The following SYBU variants were observed in gnomAD, a reference collection of about 807,000 sequenced individuals.
SYBU encodes the protein GOLSYN A protein.
SYBU carries 21 observed loss-of-function variants against 35.9 expected under a neutral mutation model. The ratio of observed to expected loss-of-function variants is 0.58; its 90% confidence interval spans 0.41 to 0.84. The LOEUF (loss-of-function observed/expected upper bound fraction) is 0.84, where lower values mean the gene tolerates loss of function less well. SYBU is among the 40% of genes least tolerant of loss of function. The pLI is 0.00. For synonymous variants in SYBU, 319 were observed against 324.3 expected (o/e 0.98, Z 0.18); for missense variants, 768 against 848.2 (o/e 0.91, Z 1.17).
intron 4 of SYBU, chr8:109,580,211 CTGT>C: frequency 1.8e-6 from 1 of 556,638 alleles, no homozygotes; most frequent in Non-Finnish European, 3.2e-6. Context: ...ACCTCTCCCT[CTGT>C]TGTTCTTTCA....
chr8:109,650,169 G>A (rs2130714241), intron 1 of SYBU, among the ~76,000 whole-genome samples: 1 of 152,140 alleles, frequency 6.6e-6, no homozygotes, highest in East Asian at 1.9e-4. Flanking sequence ...GGCTCTGAGG[G>A]GTTCACTCAG....
At chr8:109,662,213 G>A (rs1411861557) in intron 1 of SYBU, among the ~76,000 whole-genome samples, 5 of 152,092 alleles carry the variant, frequency 3.3e-5, no homozygotes, top group Non-Finnish European at 5.9e-5. Flanking sequence ...TTTCCTCCAT[G>A]AATTTTAGTT....
rs563555152 is a variant in SYBU at position 109,584,558 on chromosome 8, T to C, written c.530+1502A>G. Among the ~76,000 whole-genome samples, 1 of 152,354 alleles carries C rather than the reference T, an allele frequency of 6.6e-6. No homozygotes were observed. The highest frequency in any genetic ancestry group is 2.4e-5 in the African/African-American group (1 of 41,582). On this transcript the variant is annotated intron_variant, in intron 4 of 6. Coordinates refer to ENST00000276646, the MANE Select transcript of SYBU (RefSeq NM_001099754.2). This position sits in a 1 kb window ranked among gnomAD's most constrained non-coding sequence, Gnocchi z 4.0. ...GATTTACACAGAATGTTTACATTCATGTCCTATAATCCCAGAGGCACTTTA... is the reference window on the plus strand; with the variant it reads ...GATTTACACAGAATGTTTACATTCACGTCCTATAATCCCAGAGGCACTTTA...
chr8:109,661,946 T>C (rs1816578851), intron 1 of SYBU, among the ~76,000 whole-genome samples: 1 of 152,254 alleles, frequency 6.6e-6, no homozygotes, highest in South Asian at 2.1e-4. Context: ...CTGTGGAATT[T>C]AGATCTCCAG....
intron 3 of SYBU, among the ~76,000 whole-genome samples, chr8:109,589,548 A>C (rs1480901827): frequency 6.6e-6 from 1 of 152,126 alleles, no homozygotes; most frequent in Non-Finnish European, 1.5e-5. Context: ...CACTTTTCCA[A>C]CTCTCAAGAA....
At chr8:109,613,555 A>G (rs1049801475) in intron 3 of SYBU, among the ~76,000 whole-genome samples, 3 of 151,762 alleles carry the variant, frequency 2.0e-5, no homozygotes, top group African/African-American at 7.3e-5. Context: ...AATAACACAA[A>G]AGTACTTTTT....
chr8:109,644,734 G>A lies in SYBU; in HGVS notation c.-75C>T. The A allele has an allele frequency of 7.2e-7, 1 of 1,389,934 alleles. No individual in the cohort carries two copies. Among genetic ancestry groups the A allele is most frequent in the South Asian group, 1.5e-5 (1 of 65,132 alleles). 86.1% of individuals were successfully genotyped at this position (1,389,934 alleles called of 1,614,324 possible). A position where few individuals can be genotyped will look rare whatever the true frequency, so the allele number is the denominator to read the frequency against. On this transcript the variant is annotated 5_prime_UTR_variant, in exon 1 of 7. Coordinates refer to ENST00000276646, the MANE Select transcript of SYBU (RefSeq NM_001099754.2). Reference sequence around the variant, plus strand: ...GGAGGCACCTGCGAGCACGGAGCGAGGAGACTGCGCTGAGCCGGCGCGGGC... The same window carrying A: ...GGAGGCACCTGCGAGCACGGAGCGAAGAGACTGCGCTGAGCCGGCGCGGGC...
intron 1 of SYBU, among the ~76,000 whole-genome samples, chr8:109,670,771 C>A (rs1455234570): frequency 6.6e-6 from 1 of 152,148 alleles, no homozygotes; most frequent in Non-Finnish European, 1.5e-5. Context: ...TCCTTCCTTT[C>A]TTTTCTTCCC....
chr8:109,668,368 C>T (rs1816844036), intron 1 of SYBU, among the ~76,000 whole-genome samples: 1 of 152,146 alleles, frequency 6.6e-6, no homozygotes. Flanking sequence ...ACACCAACAA[C>T]TTCATCTGGT....
chr8:109,641,938 G>C (rs951695999), intron 2 of SYBU, among the ~76,000 whole-genome samples: 9 of 152,156 alleles, frequency 5.9e-5, no homozygotes, highest in Admixed American at 5.9e-4. Flanking sequence ...ATTTGACCTA[G>C]CAATCCCATT....
At chr8:109,629,908 T>G (rs1813411418) in intron 2 of SYBU, among the ~76,000 whole-genome samples, 2 of 152,154 alleles carry the variant, frequency 1.3e-5, no homozygotes, top group South Asian at 4.1e-4. Flanking sequence ...ATGATGAGCA[T>G]TTTTTCATGT....
chr8:109,586,454 C>T, intron 3 of SYBU: 1 of 371,920 alleles, frequency 2.7e-6, no homozygotes, highest in South Asian at 4.2e-5. Flanking sequence ...AAGAAATGCA[C>T]TGTTCTCCCG....
At chr8:109,600,439 C>T (rs1444456830) in intron 3 of SYBU, among the ~76,000 whole-genome samples, 1 of 152,166 alleles carries the variant, frequency 6.6e-6, no homozygotes, top group Non-Finnish European at 1.5e-5. Flanking sequence ...CTGCAAAGAC[C>T]TCTGTCTTGT....
chr8:109,596,528 T>C (rs1260846109), intron 3 of SYBU, among the ~76,000 whole-genome samples: 1 of 152,254 alleles, frequency 6.6e-6, no homozygotes, highest in Non-Finnish European at 1.5e-5. Flanking sequence ...ATCACATCTA[T>C]GTATTTTTAA....
At position 109,656,987 on chromosome 8, in the gene SYBU, A is replaced by G. The variant is rs528684940; in HGVS notation, c.-129+23724T>C. ...AACTATATTTTAAGATAAACCAAGAATAAAAACACATAAAGACATGGCAAA... is the reference window on the plus strand; with the variant it reads ...AACTATATTTTAAGATAAACCAAGAGTAAAAACACATAAAGACATGGCAAA... On this transcript the variant is annotated intron_variant, in intron 1 of 5. Transcript: ENST00000408889. Among the ~76,000 whole-genome samples, 4 of 152,302 alleles carry G rather than the reference A, an allele frequency of 2.6e-5. 1 individual carries two copies. In the South Asian group the frequency reaches 8.3e-4, roughly 32 times the overall value.
intron 2 of SYBU, among the ~76,000 whole-genome samples, chr8:109,620,695 T>C (rs545057550): frequency 4.6e-5 from 7 of 152,250 alleles, no homozygotes; most frequent in African/African-American, 1.7e-4. Flanking sequence ...TTTAAATACG[T>C]TGCGTTCTTC....
chr8:109,644,990 G>A, upstream of SYBU: 1 of 468,466 alleles, frequency 2.1e-6, no homozygotes, highest in Non-Finnish European at 4.0e-6. Context: ...GGCACTCCGC[G>A]CCCCCCCAGC....
At chr8:109,609,853 T>C (rs979745769) in intron 3 of SYBU, among the ~76,000 whole-genome samples, 30 of 152,214 alleles carry the variant, frequency 2.0e-4, no homozygotes, top group African/African-American at 7.2e-4. Flanking sequence ...TGCTTTTCTG[T>C]ATTTCCACCA....
At chr8:109,582,792 G>T (rs1473105900) in intron 4 of SYBU, among the ~76,000 whole-genome samples, 1 of 152,144 alleles carries the variant, frequency 6.6e-6, no homozygotes, top group Non-Finnish European at 1.5e-5. Context: ...TTAAAATGAG[G>T]CAGTTAGGGT....
Sources: allele counts gnomAD v4.1 joint callset (sites outside exome capture counted in the v4.1 genomes callset), GRCh38; gene constraint gnomAD v4.1.1; non-coding constraint Gnocchi (gnomAD v3.1); transcripts MANE v1.5; gene names NCBI Gene and HGNC (gene_info 2026-07-23, HGNC 2026-07-21).